LHFPL3: variants seen among roughly 807,000 people sequenced by gnomAD.
LHFPL3 encodes the protein LHFPL tetraspan subfamily member 3, also known as LHFPL tetraspan subfamily member 3 protein.
Under a neutral mutation model 19.3 loss-of-function variants are expected in LHFPL3, and 5 were observed. That is an observed-to-expected ratio of 0.26 (90% CI 0.14 to 0.54). The LOEUF is 0.54. Among genes scored for constraint, LHFPL3 ranks in the 20% least tolerant of loss-of-function variants. The probability of loss-of-function intolerance (pLI) is 0.94; values close to 1 mark genes in which losing one functional copy is unlikely to be tolerated. For missense variants in LHFPL3, 249 were observed against 307.4 expected, an observed-to-expected ratio of 0.81 and a Z score of 1.42; for synonymous variants, 133 against 126.2, an observed-to-expected ratio of 1.05 and a Z score of -0.36.
chr7:104,725,511 T>A (rs1482243292), intron 1 of LHFPL3, among the ~76,000 whole-genome samples: 1 of 152,222 alleles, frequency 6.6e-6, no homozygotes, highest in Non-Finnish European at 1.5e-5. Context: ...TAAAAAACAT[T>A]TCAAATATTT....
chr7:104,604,885 T>C (rs1006750550), intron 1 of LHFPL3, among the ~76,000 whole-genome samples: 14 of 152,204 alleles, frequency 9.2e-5, no homozygotes, highest in Admixed American at 5.9e-4. Context: ...CAGATGAAGC[T>C]ATCAGGACTG....
chr7:104,422,802 C>G (rs1791759396), intron 1 of LHFPL3, among the ~76,000 whole-genome samples: 1 of 152,138 alleles, frequency 6.6e-6, no homozygotes, highest in Non-Finnish European at 1.5e-5. Flanking sequence ...TCCTTATTAC[C>G]ATGACATGCT....
chr7:104,412,681 G>A (rs1037094504), intron 1 of LHFPL3, among the ~76,000 whole-genome samples: 12 of 152,002 alleles, frequency 7.9e-5, no homozygotes, highest in Non-Finnish European at 1.2e-4. Flanking sequence ...GTGTGTAAGC[G>A]ATGTGTTCAA....
intron 1 of LHFPL3, among the ~76,000 whole-genome samples, chr7:104,731,027 G>A (rs1172990021): frequency 1.3e-5 from 2 of 152,050 alleles, no homozygotes; most frequent in African/African-American, 4.8e-5. Flanking sequence ...TCTTGTTTTT[G>A]TCAGGTTTGT....
intron 1 of LHFPL3, among the ~76,000 whole-genome samples, chr7:104,687,306 G>T (rs1584480580): frequency 6.6e-6 from 1 of 152,192 alleles, no homozygotes; most frequent in East Asian, 1.9e-4. Context: ...TCTCTGGGAG[G>T]ACCACCCTCC....
intron 1 of LHFPL3, among the ~76,000 whole-genome samples, chr7:104,710,235 A>G (rs897287414): frequency 6.6e-5 from 10 of 152,238 alleles, no homozygotes; most frequent in African/African-American, 2.2e-4. Flanking sequence ...CTTAAAGTTC[A>G]TGGGAACTTT....
chr7:104,461,904 T>G (rs1025500190), intron 1 of LHFPL3, among the ~76,000 whole-genome samples: 15 of 152,232 alleles, frequency 9.9e-5, no homozygotes, highest in Non-Finnish European at 2.2e-4. Flanking sequence ...TTTTTCCATT[T>G]GTTTATGTCA....
intron 2 of LHFPL3, among the ~76,000 whole-genome samples, chr7:104,770,408 G>T (rs1463575962): frequency 1.3e-5 from 2 of 152,168 alleles, no homozygotes; most frequent in East Asian, 3.9e-4. Flanking sequence ...CCTGCTCATG[G>T]TCTCAATAAA....
chr7:104,683,985 A>T (rs1307530011), intron 1 of LHFPL3, among the ~76,000 whole-genome samples: 1 of 152,196 alleles, frequency 6.6e-6, no homozygotes, highest in Admixed American at 6.5e-5. Context: ...GTAAAATTGA[A>T]TTCTCCTTTC....
intron 1 of LHFPL3, among the ~76,000 whole-genome samples, chr7:104,434,215 A>G (rs1367866162): frequency 2.0e-5 from 3 of 152,222 alleles, no homozygotes; most frequent in Non-Finnish European, 4.4e-5. Context: ...CCCACCAACC[A>G]GGAAACTGGT....
intron 2 of LHFPL3, among the ~76,000 whole-genome samples, chr7:104,747,508 C>T (rs1794071081): frequency 6.6e-6 from 1 of 152,138 alleles, no homozygotes; most frequent in Non-Finnish European, 1.5e-5. Flanking sequence ...TTTGTAGGTC[C>T]CTGTGTTTTG....
rs11763036 is a variant in LHFPL3 at position 104,697,575 on chromosome 7, G to A, written c.446-39100G>A. On this transcript the variant is annotated intron_variant, in intron 1 of 2. Transcript: ENST00000424859. Reference sequence around the variant, plus strand: ...AGAAGTCAGATTTGCTGTGTATTAGGTCAAAGAATATAAGTATAATAATTC... The same window carrying A: ...AGAAGTCAGATTTGCTGTGTATTAGATCAAAGAATATAAGTATAATAATTC... 5.2e-3 allele frequency among the ~76,000 whole-genome samples: 789 copies of A among 152,254 alleles called. 8 individuals are homozygous for A. The highest frequency in any genetic ancestry group is 5.4e-3 in the Non-Finnish European group (365 of 68,028).
chr7:104,839,320 G>T (rs1276285461), intron 2 of LHFPL3, among the ~76,000 whole-genome samples: 3 of 152,078 alleles, frequency 2.0e-5, no homozygotes, highest in Non-Finnish European at 4.4e-5. Context: ...GATCCTGAGG[G>T]TTTCCACCTA....
chr7:104,840,474 CTTTTTTTTTTTT>C (rs71155530), intron 2 of LHFPL3, among the ~76,000 whole-genome samples: 20 of 65,582 alleles, frequency 3.0e-4, no homozygotes, highest in African/African-American at 9.3e-4. Flanking sequence ...TTTTCTTTTC[CTTTTTTTTTTTT>C]TTTTTTTTTT....
At chr7:104,808,376 C>A (rs1181124287) in intron 2 of LHFPL3, among the ~76,000 whole-genome samples, 8 of 152,168 alleles carry the variant, frequency 5.3e-5, no homozygotes, top group Non-Finnish European at 1.5e-5. Context: ...GCTGGAGAGA[C>A]TACATTGCCT....
intron 2 of LHFPL3, chr7:104,845,427 C>T (rs371112201): frequency 1.3e-6 from 2 of 1,535,884 alleles, no homozygotes; most frequent in African/African-American, 1.4e-5. Flanking sequence ...GAGACCACAC[C>T]ATGTAAGTGT....
At chr7:104,498,499 T>G (rs865975858) in intron 1 of LHFPL3, among the ~76,000 whole-genome samples, 3 of 113,506 alleles carry the variant, frequency 2.6e-5, no homozygotes, top group African/African-American at 1.8e-4. Flanking sequence ...AAGCAATGTT[T>G]TTTTTTTTTT....
intron 2 of LHFPL3, among the ~76,000 whole-genome samples, chr7:104,871,493 CTT>C (rs1224505042): frequency 6.6e-6 from 1 of 152,152 alleles, no homozygotes; most frequent in Non-Finnish European, 1.5e-5. Flanking sequence ...TATACATGCA[CTT>C]AGGCTACACT....
At chr7:104,421,787 T>G (rs890563048) in intron 1 of LHFPL3, among the ~76,000 whole-genome samples, 98 of 152,182 alleles carry the variant, frequency 6.4e-4, no homozygotes, top group African/African-American at 2.4e-3. Context: ...ATGGACTGAA[T>G]GTTTGTATCC....
Sources: gnomAD v4.1 joint callset for allele counts (sites outside exome capture counted in the v4.1 genomes callset) on GRCh38, gnomAD v4.1.1 for gene constraint, MANE v1.5 for transcripts, NCBI Gene and HGNC (gene_info 2026-07-23, HGNC 2026-07-21) for gene names.